DCAF10: variants seen among roughly 807,000 people sequenced by gnomAD.
The protein encoded by DCAF10 is DDB1 and CUL4 associated factor 10, also known as DDB1- and CUL4-associated factor 10.
In DCAF10, 19 loss-of-function variants were observed where a neutral mutation model predicts 51.9. The observed-to-expected ratio is 0.37, with a 90% CI of 0.26 to 0.54. The LOEUF (loss-of-function observed/expected upper bound fraction) is 0.54. Ranked by LOEUF, DCAF10 falls within the 20% of genes least tolerant of loss-of-function variation. DCAF10 has a pLI of 0.87. For synonymous variants in DCAF10, 291 were observed against 297.1 expected (o/e 0.98, Z 0.21); for missense variants, 510 against 730.6 (o/e 0.70, Z 3.48).
intron 1 of DCAF10, among the ~76,000 whole-genome samples, chr9:37,802,916 C>T (rs561999466): frequency 1.3e-5 from 2 of 152,170 alleles, no homozygotes; most frequent in Non-Finnish European, 2.9e-5. Flanking sequence ...CATATCCCGG[C>T]CCCTCTCCTC....
intron 1 of DCAF10, among the ~76,000 whole-genome samples, chr9:37,814,529 C>T (rs1272560570): frequency 1.3e-5 from 2 of 151,860 alleles, no homozygotes; most frequent in Non-Finnish European, 2.9e-5. Context: ...ATCCTCCTGC[C>T]TCAGCCACCC....
At chr9:37,844,061 T>A (rs774070851) in intron 3 of DCAF10, among the ~76,000 whole-genome samples, 3 of 152,174 alleles carry the variant, frequency 2.0e-5, no homozygotes, top group Non-Finnish European at 4.4e-5. Flanking sequence ...AAAGGTACTA[T>A]AACAAAAGAT....
At chr9:37,821,872 A>G (rs1829711709) in intron 2 of DCAF10, among the ~76,000 whole-genome samples, 1 of 152,196 alleles carries the variant, frequency 6.6e-6, no homozygotes, top group Non-Finnish European at 1.5e-5. Flanking sequence ...ACATCTGACA[A>G]AGGACTAATA....
chr9:37,807,570 T>A lies in DCAF10; in HGVS notation c.539+6165T>A, dbSNP rs114072312. On this transcript the variant is annotated intron_variant, in intron 1 of 6. Coordinates refer to ENST00000377724, the MANE Select transcript of DCAF10 (RefSeq NM_024345.5). Reference sequence around the variant, plus strand: ...ATGGTTATCACCTGGTGAGCATTTTTATAATCTATATAGGTTAATTTATTT... The same window carrying A: ...ATGGTTATCACCTGGTGAGCATTTTAATAATCTATATAGGTTAATTTATTT... 5.7e-3 allele frequency among the ~76,000 whole-genome samples: 860 copies of A among 152,192 alleles called. 6 individuals are homozygous for A. Among genetic ancestry groups the A allele is most frequent in the African/African-American group, 0.019 (786 of 41,556 alleles).
intron 1 of DCAF10, among the ~76,000 whole-genome samples, chr9:37,811,788 A>C (rs1476558519): frequency 1.3e-5 from 2 of 152,222 alleles, no homozygotes; most frequent in African/African-American, 2.4e-5. Context: ...TATTAAAGAG[A>C]ATGAAGATAA....
intron 1 of DCAF10, among the ~76,000 whole-genome samples, chr9:37,817,405 C>A (rs1320774844): frequency 2.6e-5 from 4 of 151,632 alleles, no homozygotes; most frequent in Non-Finnish European, 5.9e-5. Flanking sequence ...TGAGACCAGC[C>A]AGGGCAACAC....
At chr9:37,847,500 A>G (rs954204922) in intron 3 of DCAF10, among the ~76,000 whole-genome samples, 7 of 152,172 alleles carry the variant, frequency 4.6e-5, no homozygotes, top group Admixed American at 6.5e-5. Flanking sequence ...GCACTTGACA[A>G]AATCTCTTTG....
intron 2 of DCAF10, 123 bp downstream of exon 2, chr9:37,819,524 A>G: frequency 1.6e-6 from 1 of 607,218 alleles, no homozygotes; most frequent in Non-Finnish European, 2.8e-6. Context: ...CACATTGTGA[A>G]TTGTGAATCT....
rs116413153 is a variant in DCAF10 at position 37,833,844 on chromosome 9, G to C, written c.654-8245G>C. Reference sequence around the variant, plus strand: ...GGATTTGTCTAACGCTACATTCTCTGCATCTGTTGATTTTGGGATAAAAAT... The same window carrying C: ...GGATTTGTCTAACGCTACATTCTCTCCATCTGTTGATTTTGGGATAAAAAT... On this transcript the variant is annotated intron_variant, in intron 2 of 6. Transcript: ENST00000377724. 4.3e-3 allele frequency among the ~76,000 whole-genome samples: 652 copies of C among 152,304 alleles called. 5 individuals carry two copies. The highest frequency in any genetic ancestry group is 0.015 in the African/African-American group (621 of 41,558).
At chr9:37,854,556 TCTAG>T (rs1830789743) in intron 3 of DCAF10, among the ~76,000 whole-genome samples, 2 of 152,234 alleles carry the variant, frequency 1.3e-5, no homozygotes, top group African/African-American at 2.4e-5. Flanking sequence ...CAGTCGCTCT[TCTAG>T]CTATTTTATA....
rs1283486805 is a variant in DCAF10, at chr9:37,801,218, G to A, written c.352G>A (p.Gly118Ser). The A allele has an allele frequency of 6.4e-7, 1 of 1,564,710 alleles. No individual in the cohort carries two copies. The highest frequency in any genetic ancestry group is 8.6e-7 in the Non-Finnish European group (1 of 1,158,092). The change falls in exon 1 of 7, where the codon GGC becomes AGC. Residue 118 changes from glycine (G) to serine (S), a missense_variant. Gly to Ser is a moderately conservative substitution (Grantham distance 56, BLOSUM62 0). Coordinates refer to ENST00000377724, the MANE Select transcript of DCAF10 (RefSeq NM_024345.5). The surrounding 1 kb of genome is among the most constrained non-coding windows in gnomAD (Gnocchi z 5.5). ...ACACGGCCTCGGCGCGGGCCTGGGC[G>A]GCCCTGGCGCTAGGCTGTTCGGGTG... ...GRHGLGAGLG[G>S]PGARLFGWLK...
intron 1 of DCAF10, among the ~76,000 whole-genome samples, chr9:37,809,094 A>G (rs1026371483): frequency 2.1e-5 from 2 of 95,452 alleles, no homozygotes; most frequent in Admixed American, 9.8e-5. Flanking sequence ...TGTCTCAAAG[A>G]AAAAAAAAAA....
intron 1 of DCAF10, among the ~76,000 whole-genome samples, chr9:37,809,836 T>C (rs1158097822): frequency 7.6e-6 from 1 of 130,882 alleles, no homozygotes; most frequent in East Asian, 2.4e-4. Context: ...CTGTCTCAAA[T>C]TAAAAAAATA....
At chr9:37,857,396 G>A (rs760801005) in intron 5 of DCAF10, 45 bp downstream of exon 5, 6 of 1,355,534 alleles carry the variant, frequency 4.4e-6, no homozygotes, top group Non-Finnish European at 6.2e-6. Flanking sequence ...AACAGATTAT[G>A]CCAATCTGAT....
rs1831119548 is a variant in DCAF10, at chr9:37,865,537, T to C, written c.*4029T>C. 1 of 152,236 alleles carries C rather than the reference T, an allele frequency of 6.6e-6. No individual in the cohort carries two copies. Among genetic ancestry groups the C allele is most frequent in the Middle Eastern group, 3.2e-3 (1 of 316 alleles). 9.4% of individuals were successfully genotyped at this position (152,236 alleles called of 1,614,324 possible). A position where few individuals can be genotyped will look rare whatever the true frequency, so the allele number is the denominator to read the frequency against. Reference sequence around the variant, plus strand: ...ATTCATAATTCATGATAATTGGTAATGTAGTATAATTGTTAGTAAATGCAG... The same window carrying C: ...ATTCATAATTCATGATAATTGGTAACGTAGTATAATTGTTAGTAAATGCAG... On this transcript the variant is annotated 3_prime_UTR_variant, in exon 7 of 7. Transcript: ENST00000377724.
intron 2 of DCAF10, among the ~76,000 whole-genome samples, chr9:37,826,792 T>A (rs1829862949): frequency 6.8e-6 from 1 of 146,988 alleles, no homozygotes; most frequent in Non-Finnish European, 1.5e-5. Flanking sequence ...TTTATGCAAA[T>A]AAAACATACA....
chr9:37,842,362 C>G, intron 3 of DCAF10, 76 bp downstream of exon 3: 2 of 1,361,282 alleles, frequency 1.5e-6, no homozygotes, highest in Non-Finnish European at 2.0e-6. Flanking sequence ...ATTCAGTGTT[C>G]TGTCCTAGCC....
intron 1 of DCAF10, among the ~76,000 whole-genome samples, chr9:37,818,282 C>G (rs149942226): frequency 6.6e-6 from 1 of 152,178 alleles, no homozygotes; most frequent in African/African-American, 2.4e-5. Context: ...GCGTGGGCCA[C>G]CGCACCCGGC....
intron 3 of DCAF10, among the ~76,000 whole-genome samples, chr9:37,853,786 C>T (rs1330281474): frequency 1.3e-5 from 2 of 151,994 alleles, no homozygotes; most frequent in Non-Finnish European, 2.9e-5. Flanking sequence ...CCTGGTTGGT[C>T]TTGAAATCCT....
Sources: allele counts gnomAD v4.1 joint callset (sites outside exome capture counted in the v4.1 genomes callset), GRCh38; gene constraint gnomAD v4.1.1; non-coding constraint Gnocchi (gnomAD v3.1); transcripts MANE v1.5; gene names NCBI Gene and HGNC (gene_info 2026-07-23, HGNC 2026-07-21).